The following CDH12 variants were observed in gnomAD, a reference collection of about 807,000 sequenced individuals.
The protein encoded by CDH12 is cadherin 12.
Under a neutral mutation model 74.1 loss-of-function variants are expected in CDH12, and 41 were observed. The observed-to-expected ratio is 0.55, with a 90% CI of 0.43 to 0.72. The LOEUF is 0.72. Among genes scored for constraint, CDH12 ranks in the 30% least tolerant of loss-of-function variants. CDH12 has a pLI of 0.00. For missense variants in CDH12, 945 were observed against 977.2 expected (o/e 0.97, Z 0.44); for synonymous variants, 399 against 355.0 (o/e 1.12, Z -1.39).
At chr5:21,797,198 GAT>G (rs1561192870) in intron 10 of CDH12, among the ~76,000 whole-genome samples, 11 of 151,896 alleles carry the variant, frequency 7.2e-5, no homozygotes, top group Non-Finnish European at 1.6e-4. Flanking sequence ...TGATGATGAT[GAT>G]GATGATGATG....
At chr5:22,088,569 A>G (rs1378378112) in intron 4 of CDH12, among the ~76,000 whole-genome samples, 1 of 152,176 alleles carries the variant, frequency 6.6e-6, no homozygotes, top group African/African-American at 2.4e-5. Flanking sequence ...CCCAACTCCC[A>G]GTGTTGTTGC....
intron 3 of CDH12, among the ~76,000 whole-genome samples, chr5:22,265,310 G>T (rs112788373): frequency 1.3e-4 from 20 of 152,156 alleles, no homozygotes; most frequent in Non-Finnish European, 2.9e-4. Flanking sequence ...ATTATAACAC[G>T]AACACTTTCC....
chr5:21,853,974 G>A (rs1289081203), intron 7 of CDH12, among the ~76,000 whole-genome samples: 1 of 151,636 alleles, frequency 6.6e-6, no homozygotes, highest in East Asian at 1.9e-4. Context: ...AAGTGGTCGA[G>A]TCTTCTTAGC....
chr5:22,143,338 G>T (rs1435873628), intron 4 of CDH12: 1 of 142,814 alleles, frequency 7.0e-6, no homozygotes, highest in African/African-American at 2.8e-5. Context: ...CGTATTTGGA[G>T]TGGAACTATA....
chr5:22,402,839 G>A (rs984778415), intron 3 of CDH12, among the ~76,000 whole-genome samples: 2 of 152,084 alleles, frequency 1.3e-5, no homozygotes, highest in South Asian at 4.1e-4. Context: ...TTTCAGAAAT[G>A]CACAACCTTT....
rs1478363732 is a variant in CDH12, at chr5:22,530,782, A to G, written c.-522-25418T>C. Reference sequence around the variant, plus strand: ...CTCAAACTTTTAAATCATTTTCTGCATTAGTCTATAGGCATATTTATTATT... The same window carrying G: ...CTCAAACTTTTAAATCATTTTCTGCGTTAGTCTATAGGCATATTTATTATT... On this transcript the variant is annotated intron_variant, in intron 1 of 14. Transcript: ENST00000382254. Among the ~76,000 whole-genome samples, 3 of 152,124 alleles carry G rather than the reference A, an allele frequency of 2.0e-5. 1 individual carries two copies. In the South Asian group the frequency reaches 6.2e-4, roughly 31 times the overall value.
intron 3 of CDH12, among the ~76,000 whole-genome samples, chr5:22,325,886 C>T (rs1210778427): frequency 2.6e-5 from 4 of 151,760 alleles, no homozygotes; most frequent in Non-Finnish European, 5.9e-5. Flanking sequence ...CCAGCCTGGG[C>T]GACAGAGGGA....
intron 3 of CDH12, among the ~76,000 whole-genome samples, chr5:22,394,857 G>T (rs1742392783): frequency 6.6e-6 from 1 of 152,020 alleles, no homozygotes; most frequent in African/African-American, 2.4e-5. Flanking sequence ...TGGCTTCTGG[G>T]TTAATGATAT....
intron 1 of CDH12, among the ~76,000 whole-genome samples, chr5:22,766,066 C>T (rs1433414519): frequency 2.6e-5 from 4 of 151,798 alleles, no homozygotes; most frequent in African/African-American, 7.3e-5. Context: ...AAATGAAAAT[C>T]ATGAGGATAC....
chr5:22,296,033 C>CTAAT (rs1205573483), intron 3 of CDH12, among the ~76,000 whole-genome samples: 3 of 151,758 alleles, frequency 2.0e-5, no homozygotes, highest in African/African-American at 7.3e-5. Context: ...CTGACATTGA[C>CTAAT]TAATTGTGTG....
chr5:21,751,571 T>C lies in CDH12; in HGVS notation c.*166A>G, dbSNP rs1353832267. 1 of 624,922 alleles carries C rather than the reference T, an allele frequency of 1.6e-6. No individual in the cohort carries two copies. Among genetic ancestry groups the C allele is most frequent in the Non-Finnish European group, 2.7e-6 (1 of 364,726 alleles). 38.7% of individuals were successfully genotyped at this position (624,922 alleles called of 1,614,324 possible). A position where few individuals can be genotyped will look rare whatever the true frequency, so the allele number is the denominator to read the frequency against. ...CTGACAATATGATTAATTTAGTAAC[T>C]TACTAGAAACCAGGTAATCAAAGGA... On this transcript the variant is annotated 3_prime_UTR_variant, in exon 15 of 15. Coordinates refer to ENST00000382254, the MANE Select transcript of CDH12 (RefSeq NM_004061.5).
At chr5:22,173,599 A>G (rs1172417674) in intron 4 of CDH12, among the ~76,000 whole-genome samples, 1 of 151,178 alleles carries the variant, frequency 6.6e-6, no homozygotes, top group South Asian at 2.1e-4. Context: ...GATTTTTACA[A>G]CCTTGGTTAA....
intron 3 of CDH12, among the ~76,000 whole-genome samples, chr5:22,294,313 T>C (rs867035027): frequency 6.6e-6 from 1 of 152,148 alleles, no homozygotes; most frequent in Non-Finnish European, 1.5e-5. Context: ...AGAAAGGGGA[T>C]GATAAATCCA....
intron 1 of CDH12, among the ~76,000 whole-genome samples, chr5:22,583,597 C>A (rs1740216573): frequency 6.6e-6 from 1 of 151,980 alleles, no homozygotes; most frequent in Admixed American, 6.6e-5. Flanking sequence ...AGGTTATTTG[C>A]CTTGGAATGC....
At chr5:21,894,906 CAT>C (rs1186407466) in intron 6 of CDH12, among the ~76,000 whole-genome samples, 4 of 151,356 alleles carry the variant, frequency 2.6e-5, no homozygotes, top group African/African-American at 9.7e-5. Flanking sequence ...CTGCATAGAG[CAT>C]AAGTGGTTCA....
chr5:21,766,601 T>C (rs1409528737), intron 11 of CDH12, among the ~76,000 whole-genome samples: 1 of 151,924 alleles, frequency 6.6e-6, no homozygotes, highest in Non-Finnish European at 1.5e-5. Flanking sequence ...TTGGTAAATA[T>C]CATTACTCAT....
At chr5:22,672,610 G>A (rs1161316853) in intron 1 of CDH12, among the ~76,000 whole-genome samples, 1 of 152,048 alleles carries the variant, frequency 6.6e-6, no homozygotes, top group African/African-American at 2.4e-5. Context: ...GGACTTCTCA[G>A]CCTCCAGAAT....
At chr5:22,592,899 A>G (rs1223547880) in intron 1 of CDH12, among the ~76,000 whole-genome samples, 2 of 151,724 alleles carry the variant, frequency 1.3e-5, no homozygotes, top group African/African-American at 4.8e-5. Context: ...GTGTGGTGGC[A>G]TGCGCCTGTA....
intron 3 of CDH12, among the ~76,000 whole-genome samples, chr5:22,233,993 A>G (rs993636320): frequency 2.6e-5 from 4 of 152,192 alleles, no homozygotes; most frequent in African/African-American, 9.7e-5. Context: ...TATAAAACAA[A>G]GGGCTTATGT....
Sources: gnomAD v4.1 joint callset for allele counts (sites outside exome capture counted in the v4.1 genomes callset) on GRCh38, gnomAD v4.1.1 for gene constraint, MANE v1.5 for transcripts, NCBI Gene and HGNC (gene_info 2026-07-23, HGNC 2026-07-21) for gene names.